Variants in CNTN3 observed in about 807,000 individuals in gnomAD.
CNTN3 encodes the protein contactin 3.
In CNTN3, 60 loss-of-function variants were observed where a neutral mutation model predicts 119.1. The observed-to-expected ratio is 0.50, with a 90% CI of 0.41 to 0.62. The LOEUF (loss-of-function observed/expected upper bound fraction) is 0.62. CNTN3 is among the 20% of genes least tolerant of loss of function. CNTN3 has a pLI of 0.00. For missense variants in CNTN3, 1,101 were observed against 1,242.4 expected (o/e 0.89, Z 1.71); for synonymous variants, 450 against 438.7 (o/e 1.03, Z -0.32).
At chr3:74,395,645 G>GTA in intron 5 of CNTN3, among the ~76,000 whole-genome samples, 1 of 152,286 alleles carries the variant, frequency 6.6e-6, no homozygotes, top group East Asian at 1.9e-4. Context: ...ATTTCACAGG[G>GTA]TTATTGCCAG....
chr3:74,356,407 T>C (rs1462240087), intron 11 of CNTN3, among the ~76,000 whole-genome samples: 3 of 152,078 alleles, frequency 2.0e-5, no homozygotes, highest in African/African-American at 7.3e-5. Flanking sequence ...ATCTTTCAAG[T>C]CCTGCTGCAG....
intron 5 of CNTN3, among the ~76,000 whole-genome samples, chr3:74,372,239 A>ATG (rs1376477249): frequency 6.6e-6 from 1 of 152,158 alleles, no homozygotes; most frequent in African/African-American, 2.4e-5. Flanking sequence ...GAAACACTCA[A>ATG]AGGCACTTAG....
intron 1 of CNTN3, among the ~76,000 whole-genome samples, chr3:74,554,199 G>A (rs950933463): frequency 6.6e-6 from 1 of 152,082 alleles, no homozygotes; most frequent in Admixed American, 6.6e-5. Context: ...GCTTGTTTTT[G>A]TTAGGTTTGT....
At chr3:74,483,293 A>G (rs929036758) in intron 4 of CNTN3, among the ~76,000 whole-genome samples, 1 of 152,018 alleles carries the variant, frequency 6.6e-6, no homozygotes, top group African/African-American at 2.4e-5. Context: ...AAAGGTAGGA[A>G]AATAGTATGT....
chr3:74,460,934 A>T (rs897852865), intron 4 of CNTN3, among the ~76,000 whole-genome samples: 1 of 150,720 alleles, frequency 6.6e-6, no homozygotes, highest in Non-Finnish European at 1.5e-5. Flanking sequence ...TCTTATTAGG[A>T]AACCATTCAG....
chr3:74,342,613 G>A lies in CNTN3; in HGVS notation c.1365-5955C>T, dbSNP rs145763780. 1.7e-3 allele frequency among the ~76,000 whole-genome samples: 257 copies of A among 152,180 alleles called. 1 individual carries two copies. Among genetic ancestry groups the A allele is most frequent in the Non-Finnish European group, 2.4e-3 (165 of 67,986 alleles). On this transcript the variant is annotated intron_variant, in intron 11 of 22. Transcript: ENST00000263665. ...ATAATGAATTCATATCATTTAACAG[G>A]TCCACATATTCATAAGTTAAAAGTC...
rs537007647 is a variant in CNTN3 at position 74,368,783 on chromosome 3, G to A, written c.946+406C>T. ...ACGTGGTTTGTTTAATACAGTAATT[G>A]CAACTTTTCCCAAAAGGCAGTTTTT... is the stretch of plus-strand genomic sequence containing the variant. On this transcript the variant is annotated intron_variant, in intron 8 of 22. Transcript: ENST00000263665. Among the ~76,000 whole-genome samples the A allele has an allele frequency of 5.5e-4, 82 of 149,992 alleles. No homozygotes were observed. The South Asian group carries it at 6.1e-3, about 11-fold the overall frequency.
At chr3:74,342,171 A>G (rs1047020624) in intron 11 of CNTN3, among the ~76,000 whole-genome samples, 1 of 152,150 alleles carries the variant, frequency 6.6e-6, no homozygotes, top group Non-Finnish European at 1.5e-5. Flanking sequence ...TGTATGAGAA[A>G]ATAAACATGA....
intron 20 of CNTN3, among the ~76,000 whole-genome samples, chr3:74,271,049 C>T (rs188807082): frequency 4.6e-5 from 7 of 152,214 alleles, no homozygotes; most frequent in Admixed American, 3.3e-4. Flanking sequence ...CATCATGATC[C>T]TCTGTGCACT....
chr3:74,300,963 C>A (rs1381337136), intron 16 of CNTN3, among the ~76,000 whole-genome samples: 2 of 152,114 alleles, frequency 1.3e-5, no homozygotes, highest in African/African-American at 4.8e-5. Context: ...ACAAAATATA[C>A]CTATTCATCA....
chr3:74,584,790 T>C (rs1704567695), intron 1 of CNTN3, among the ~76,000 whole-genome samples: 1 of 152,124 alleles, frequency 6.6e-6, no homozygotes, highest in Non-Finnish European at 1.5e-5. Flanking sequence ...ATTACTTCCA[T>C]TTGAGAGTTG....
intron 5 of CNTN3, among the ~76,000 whole-genome samples, chr3:74,377,681 T>G (rs1265738575): frequency 1.3e-5 from 2 of 152,168 alleles, no homozygotes; most frequent in Admixed American, 1.3e-4. Flanking sequence ...GGAATATGAA[T>G]TTTTTTAATT....
intron 5 of CNTN3, among the ~76,000 whole-genome samples, chr3:74,388,964 T>C (rs2106824740): frequency 6.6e-6 from 1 of 152,318 alleles, no homozygotes; most frequent in Non-Finnish European, 1.5e-5. Flanking sequence ...TCGATACACG[T>C]ACTCTGGCCA....
intron 7 of CNTN3, 30 bp downstream of exon 7, chr3:74,369,859 G>T: frequency 8.7e-7 from 1 of 1,148,852 alleles, no homozygotes; most frequent in Non-Finnish European, 1.3e-6. Flanking sequence ...TAATATTTCA[G>T]CACATAGGAG....
chr3:74,377,893 T>A (rs926023835), intron 5 of CNTN3, among the ~76,000 whole-genome samples: 2 of 152,222 alleles, frequency 1.3e-5, no homozygotes, highest in Non-Finnish European at 2.9e-5. Context: ...ATACATATAA[T>A]ACTGACATTC....
chr3:74,504,894 G>A (rs1461761692), intron 2 of CNTN3, among the ~76,000 whole-genome samples: 1 of 152,130 alleles, frequency 6.6e-6, no homozygotes, highest in Non-Finnish European at 1.5e-5. Context: ...ACCACAGACT[G>A]GGTGGCTTCC....
chr3:74,523,725 T>C (rs2107125726), intron 1 of CNTN3, among the ~76,000 whole-genome samples: 1 of 151,956 alleles, frequency 6.6e-6, no homozygotes, highest in South Asian at 2.1e-4. Flanking sequence ...TCAAAAACTA[T>C]TCAAATAAAT....
In CNTN3 at chr3:74,418,342, C is replaced by CTTTTTTTTTTTT. The variant is rs56258495; in HGVS notation, c.454+6491_454+6502dup. Among the ~76,000 whole-genome samples, 60 of 99,640 alleles carry CTTTTTTTTTTTT rather than the reference C, an allele frequency of 6.0e-4. 4 individuals carry two copies. Among genetic ancestry groups the CTTTTTTTTTTTT allele is most frequent in the African/African-American group, 1.1e-3 (27 of 25,502 alleles). 65.4% of individuals were successfully genotyped at this position (99,640 alleles called of 152,430 possible). A position where few individuals can be genotyped will look rare whatever the true frequency, so the allele number is the denominator to read the frequency against. ...CATGTCCACTGCAGAAAACATATTC[C>CTTTTTTTTTTTT]TTTTTTTTTTTTTTTTTGAGTCAGA... On this transcript the variant is annotated intron_variant, in intron 5 of 22. Coordinates refer to ENST00000263665, the MANE Select transcript of CNTN3 (RefSeq NM_020872.3).
intron 11 of CNTN3, among the ~76,000 whole-genome samples, chr3:74,350,565 A>G (rs991728215): frequency 3.3e-5 from 5 of 152,200 alleles, no homozygotes; most frequent in Admixed American, 2.6e-4. Context: ...CAATCCCACT[A>G]CTGGGTATCT....
Sources: allele counts gnomAD v4.1 joint callset (sites outside exome capture counted in the v4.1 genomes callset), GRCh38; gene constraint gnomAD v4.1.1; transcripts MANE v1.5; gene names NCBI Gene and HGNC (gene_info 2026-07-23, HGNC 2026-07-21).